Variants in EVI5 observed in about 807,000 individuals in gnomAD.
The protein encoded by EVI5 is ecotropic viral integration site 5 protein homolog.
EVI5 carries 73 observed loss-of-function variants against 112.0 expected under a neutral mutation model. That is an observed-to-expected ratio of 0.65 (90% confidence interval 0.54 to 0.79). The LOEUF is 0.79. Among genes scored for constraint, EVI5 ranks in the 30% least tolerant of loss-of-function variants. EVI5 has a pLI of 0.00. For missense variants in EVI5, 900 were observed against 968.8 expected, an observed-to-expected ratio of 0.93 and a Z score of 0.94; for synonymous variants, 305 against 319.9, an observed-to-expected ratio of 0.95 and a Z score of 0.50.
At position 92,662,881 on chromosome 1, in the gene EVI5, T is replaced by G; in HGVS notation, c.1246-16A>C. On this transcript the variant is annotated splice_polypyrimidine_tract_variant and intron_variant, in intron 12 of 19. Transcript: ENST00000684568. The stretch of plus-strand genomic sequence containing the variant: ...TCACTTGTCCCTTAGGACATAATTT[T>G]TGTGTGTGTAAAGCAATTTAGGATA... 3 of 1,271,778 alleles carry G rather than the reference T, an allele frequency of 2.4e-6. No individual in the cohort carries two copies. The highest frequency in any genetic ancestry group is 3.1e-6 in the Non-Finnish European group (3 of 982,258). 78.8% of individuals were successfully genotyped at this position (1,271,778 alleles called of 1,614,324 possible).
chr1:92,652,494 A>T (rs1398655726), intron 13 of EVI5, among the ~76,000 whole-genome samples: 1 of 152,238 alleles, frequency 6.6e-6, no homozygotes, highest in Non-Finnish European at 1.5e-5. Flanking sequence ...TTTAGGTTGT[A>T]TATATTTTAT....
intron 19 of EVI5, among the ~76,000 whole-genome samples, chr1:92,545,553 A>G (rs1325735891): frequency 6.6e-6 from 1 of 152,210 alleles, no homozygotes; most frequent in African/African-American, 2.4e-5. Flanking sequence ...CGTGGATAAC[A>G]GTATTCAGAT....
chr1:92,649,138 T>A (rs1044095010), intron 13 of EVI5, among the ~76,000 whole-genome samples: 1 of 152,208 alleles, frequency 6.6e-6, no homozygotes, highest in Non-Finnish European at 1.5e-5. Flanking sequence ...ATGTTGAGCA[T>A]CTTTTCATTT....
intron 13 of EVI5, among the ~76,000 whole-genome samples, chr1:92,649,150 C>T (rs9439917): frequency 0.069 from 10,523 of 152,192 alleles, 487 homozygotes; most frequent in Non-Finnish European, 0.099. Flanking sequence ...TTTTCATTTG[C>T]TTTTTGGCCA....
chr1:92,546,416 A>G (rs566795181), intron 19 of EVI5, among the ~76,000 whole-genome samples: 8 of 152,246 alleles, frequency 5.3e-5, no homozygotes, highest in Admixed American at 5.2e-4. Context: ...GAAAAAAAAT[A>G]GGCTGGGCGC....
chr1:92,643,970 T>C (rs1660480875), intron 13 of EVI5, among the ~76,000 whole-genome samples: 1 of 152,122 alleles, frequency 6.6e-6, no homozygotes, highest in Admixed American at 6.5e-5. Context: ...AATGAGAGAA[T>C]ATGAAAGTCA....
At chr1:92,548,795 T>A (rs563603012) in intron 19 of EVI5, among the ~76,000 whole-genome samples, 1 of 152,160 alleles carries the variant, frequency 6.6e-6, no homozygotes, top group Non-Finnish European at 1.5e-5. Context: ...ACAAGGGATA[T>A]GAAGGACCTC....
In EVI5 at chr1:92,736,514, T is replaced by C. The variant is rs560906275; in HGVS notation, c.33A>G (p.Ser11=). 1.2e-6 allele frequency: 2 copies of C among 1,613,912 alleles called. 1 individual carries two copies. Among genetic ancestry groups the C allele is most frequent in the African/African-American group, 2.7e-5 (2 of 75,028 alleles). Residue 11 remains serine, a synonymous_variant, in exon 2 of 20, where the codon TCA becomes TCG. Transcript: ENST00000684568. Reference sequence around the variant, plus strand: ...TGGTAGATGAGGATGTGGTATGTAATGAAGTAGATGGACTTGCCACCTGAC... The same window carrying C: ...TGGTAGATGAGGATGTGGTATGTAACGAAGTAGATGGACTTGCCACCTGAC... MASQVASPST[S]LHTTSSSTTL...
intron 18 of EVI5, among the ~76,000 whole-genome samples, chr1:92,581,290 G>A (rs953567551): frequency 6.6e-6 from 1 of 152,168 alleles, no homozygotes. Context: ...TAAATATCTT[G>A]TACTACCTAG....
chr1:92,643,847 A>T (rs1012193315), intron 13 of EVI5, among the ~76,000 whole-genome samples: 1 of 152,250 alleles, frequency 6.6e-6, no homozygotes. Flanking sequence ...ATATTGAACA[A>T]AAGTCAATAA....
chr1:92,645,284 C>T (rs1660726304), intron 13 of EVI5, among the ~76,000 whole-genome samples: 1 of 152,062 alleles, frequency 6.6e-6, no homozygotes, highest in African/African-American at 2.4e-5. Flanking sequence ...GTTCTAAAGT[C>T]CACCTTGTCT....
intron 1 of EVI5, 43 bp downstream of exon 1, chr1:92,784,793 G>A: frequency 2.0e-6 from 2 of 982,712 alleles, no homozygotes; most frequent in South Asian, 9.4e-5. Flanking sequence ...CTCACCGCCC[G>A]CCCGGCCTCC....
At chr1:92,633,185 A>G (rs1657598984) in intron 14 of EVI5, among the ~76,000 whole-genome samples, 1 of 152,212 alleles carries the variant, frequency 6.6e-6, no homozygotes, top group Non-Finnish European at 1.5e-5. Context: ...GATGTCTATT[A>G]GGTCCACTTC....
intron 2 of EVI5, chr1:92,732,342 T>C: frequency 2.7e-6 from 1 of 372,930 alleles, no homozygotes; most frequent in South Asian, 2.4e-5. Flanking sequence ...ACTCAGTAAC[T>C]TGTTAAAGAC....
At chr1:92,763,755 G>A (rs1682222767) in intron 1 of EVI5, among the ~76,000 whole-genome samples, 1 of 152,096 alleles carries the variant, frequency 6.6e-6, no homozygotes, top group South Asian at 2.1e-4. Context: ...CTATGATTGT[G>A]ACACTCCACT....
chr1:92,752,747 A>G (rs571523212), intron 1 of EVI5, among the ~76,000 whole-genome samples: 1 of 152,176 alleles, frequency 6.6e-6, no homozygotes, highest in South Asian at 2.1e-4. Flanking sequence ...CAGTCAGCTC[A>G]CAATAAAGCC....
At chr1:92,647,623 T>C (rs1661217745) in intron 13 of EVI5, 5 of 429,684 alleles carry the variant, frequency 1.2e-5, no homozygotes, top group East Asian at 8.7e-5. Flanking sequence ...CTCTGGTTTC[T>C]TGGGATCACC....
chr1:92,712,954 T>G (rs1248515704), intron 2 of EVI5, among the ~76,000 whole-genome samples: 1 of 150,886 alleles, frequency 6.6e-6, no homozygotes, highest in Non-Finnish European at 1.5e-5. Flanking sequence ...ATATATAAGA[T>G]ATATATATTA....
chr1:92,755,225 A>G (rs2298911), intron 1 of EVI5, among the ~76,000 whole-genome samples: 139,631 of 151,920 alleles, frequency 0.92, 64,250 homozygotes, highest in East Asian at 0.97. Context: ...CCTGGCCAAC[A>G]TGTTGAAACC....
Sources: allele counts gnomAD v4.1 joint callset (sites outside exome capture counted in the v4.1 genomes callset), GRCh38; gene constraint gnomAD v4.1.1; transcripts MANE v1.5; gene names NCBI Gene and HGNC (gene_info 2026-07-23, HGNC 2026-07-21).